RTKN2: variants seen among roughly 807,000 people sequenced by gnomAD.
RTKN2 encodes rhotekin 2, also known as rhotekin-2.
RTKN2 carries 69 observed loss-of-function variants against 71.5 expected under a neutral mutation model. The observed-to-expected ratio is 0.96, with a 90% CI of 0.79 to 1.18. The LOEUF (loss-of-function observed/expected upper bound fraction) is 1.18. Ranked by LOEUF, RTKN2 falls within the 50% of genes most tolerant of loss-of-function variation. The probability of loss-of-function intolerance (pLI) is 0.00; values close to 1 mark genes in which losing one functional copy is unlikely to be tolerated. For synonymous variants in RTKN2, 236 were observed against 236.5 expected (o/e 1.00, Z 0.02); for missense variants, 724 against 719.7 (o/e 1.01, Z -0.07).
At chr10:62,255,755 C>T (rs1842662884) in intron 2 of RTKN2, among the ~76,000 whole-genome samples, 1 of 152,132 alleles carries the variant, frequency 6.6e-6, no homozygotes, top group African/African-American at 2.4e-5. Context: ...AGAAAGCTGG[C>T]AACTGCCATC....
chr10:62,191,795 T>C (rs1441685839), downstream of RTKN2, among the ~76,000 whole-genome samples: 2 of 152,168 alleles, frequency 1.3e-5, no homozygotes, highest in Non-Finnish European at 2.9e-5. Context: ...CTTTTAGGTA[T>C]TTCCTAAACT....
intron 2 of RTKN2, among the ~76,000 whole-genome samples, chr10:62,252,580 C>T (rs145586186): frequency 1.5e-3 from 231 of 151,512 alleles, no homozygotes; most frequent in African/African-American, 5.4e-3. Flanking sequence ...AAATATTATC[C>T]ATTCCACCAA....
At chr10:62,268,107 C>A (rs886503656) in intron 1 of RTKN2, among the ~76,000 whole-genome samples, 1 of 152,230 alleles carries the variant, frequency 6.6e-6, no homozygotes, top group African/African-American at 2.4e-5. Context: ...CCCCCTCCCC[C>A]CAACCAGTTC....
chr10:62,229,350 G>A (rs76636327), intron 6 of RTKN2, among the ~76,000 whole-genome samples: 4 of 152,080 alleles, frequency 2.6e-5, no homozygotes, highest in Admixed American at 2.0e-4. Context: ...ATACAATCAC[G>A]GGGTAGATGG....
chr10:62,247,212 T>C (rs901995597), intron 2 of RTKN2, among the ~76,000 whole-genome samples: 2 of 151,934 alleles, frequency 1.3e-5, no homozygotes, highest in Admixed American at 1.3e-4. Context: ...TTTCAGTAGG[T>C]CTGTTAAAAA....
intron 2 of RTKN2, among the ~76,000 whole-genome samples, chr10:62,253,166 G>A (rs4979764): frequency 0.73 from 111,408 of 151,982 alleles, 41,099 homozygotes; most frequent in East Asian, 0.9. Flanking sequence ...GGACAAAGAT[G>A]TATGAAACAA....
chr10:62,241,236 G>C, intron 3 of RTKN2, 41 bp from the exon 4 acceptor site: 1 of 1,328,624 alleles, frequency 7.5e-7, no homozygotes, highest in East Asian at 2.3e-5. Context: ...AATAATTTTG[G>C]TAAGTTTTAT....
chr10:62,215,013 T>A, intron 9 of RTKN2: 1 of 1,216,068 alleles, frequency 8.2e-7, no homozygotes, highest in Non-Finnish European at 1.2e-6. Context: ...AGGGCTGTCA[T>A]CCCTGCTTTG....
intron 9 of RTKN2, among the ~76,000 whole-genome samples, chr10:62,208,493 G>T (rs1370887370): frequency 6.6e-6 from 1 of 152,110 alleles, no homozygotes; most frequent in African/African-American, 2.4e-5. Flanking sequence ...TCAAACATTG[G>T]ACATTGATTA....
At chr10:62,203,922 T>C (rs1462310035) in intron 10 of RTKN2, among the ~76,000 whole-genome samples, 1 of 152,226 alleles carries the variant, frequency 6.6e-6, no homozygotes. Context: ...TCCATAAATT[T>C]AGATCCCTTT....
chr10:62,195,435 T>G lies in RTKN2; in HGVS notation c.*2473A>C. ...TTGAAACACTCTTTGACACAGTGCT[T>G]AACTATTTTTAGATTTTTTTTTTAA... On this transcript the variant is annotated 3_prime_UTR_variant, in exon 12 of 12. Transcript: ENST00000373789. 1 of 981,552 alleles carries G rather than the reference T, an allele frequency of 1.0e-6. No homozygotes were observed. The highest frequency in any genetic ancestry group is 1.1e-4 in the East Asian group (1 of 8,796). The allele number at this position is 981,552 out of a possible 1,614,324, so 60.8% of individuals were successfully genotyped here.
At chr10:62,226,003 C>T (rs1373399090) in intron 6 of RTKN2, among the ~76,000 whole-genome samples, 2 of 152,066 alleles carry the variant, frequency 1.3e-5, no homozygotes, top group Non-Finnish European at 2.9e-5. Flanking sequence ...GGAATGGTCT[C>T]GATCTCCTGA....
intron 6 of RTKN2, among the ~76,000 whole-genome samples, chr10:62,227,488 G>C (rs1482665258): frequency 6.6e-6 from 1 of 152,126 alleles, no homozygotes; most frequent in African/African-American, 2.4e-5. Flanking sequence ...CAAACAAGGA[G>C]GTCACTGTGA....
In RTKN2 at chr10:62,242,906, C is replaced by A. The variant is rs547326984; in HGVS notation, c.317-1711G>T. ...TTGGCCTCTCAGTGTGCTGGGATTA[C>A]AGGCATGAGCCACTGTGCTGGGCCT... On this transcript the variant is annotated intron_variant, in intron 3 of 11. Coordinates refer to ENST00000373789, the MANE Select transcript of RTKN2 (RefSeq NM_145307.4). Among the ~76,000 whole-genome samples the A allele has an allele frequency of 5.3e-5, 8 of 152,288 alleles. No individual in the cohort carries two copies. In the East Asian group the frequency reaches 1.5e-3, roughly 29 times the overall value.
intron 9 of RTKN2, among the ~76,000 whole-genome samples, chr10:62,207,707 T>C (rs2132840334): frequency 6.6e-6 from 1 of 152,194 alleles, no homozygotes; most frequent in African/African-American, 2.4e-5. Flanking sequence ...CCACCTAAAA[T>C]ATTGCCTAGT....
chr10:62,232,429 T>G (rs1193182261), intron 6 of RTKN2, among the ~76,000 whole-genome samples: 1 of 151,600 alleles, frequency 6.6e-6, no homozygotes, highest in African/African-American at 2.4e-5. Context: ...ATCCTCCTAC[T>G]TCAGCCTCCT....
At chr10:62,242,456 G>T (rs1842396234) in intron 3 of RTKN2, among the ~76,000 whole-genome samples, 1 of 151,902 alleles carries the variant, frequency 6.6e-6, no homozygotes, top group South Asian at 2.1e-4. Flanking sequence ...CTTGTAAAGG[G>T]TATCTTTTTG....
chr10:62,185,539 C>A (rs1243173015), intron 8 of RTKN2, among the ~76,000 whole-genome samples: 1 of 152,122 alleles, frequency 6.6e-6, no homozygotes, highest in Non-Finnish European at 1.5e-5. Flanking sequence ...CCGCTTGAAC[C>A]CGGGAGGTGG....
intron 8 of RTKN2, 30 bp downstream of exon 8, chr10:62,218,163 CAA>C: frequency 7.5e-7 from 1 of 1,334,194 alleles, no homozygotes; most frequent in African/African-American, 1.4e-5. Flanking sequence ...AGTAGAGCTA[CAA>C]TTGTTGTAGG....
Sources: gnomAD v4.1 joint callset for allele counts (sites outside exome capture counted in the v4.1 genomes callset) on GRCh38, gnomAD v4.1.1 for gene constraint, MANE v1.5 for transcripts, NCBI Gene and HGNC (gene_info 2026-07-23, HGNC 2026-07-21) for gene names.